Variants in USP37 observed in about 807,000 individuals in gnomAD.
USP37 encodes the protein ubiquitin specific peptidase 37, also known as ubiquitin carboxyl-terminal hydrolase 37.
A neutral mutation model predicts 124.0 loss-of-function variants in USP37; 27 were observed. The observed-to-expected ratio is 0.22, with a 90% CI of 0.16 to 0.30. The LOEUF is 0.30. USP37 is among the 10% of genes least tolerant of loss of function. The probability of loss-of-function intolerance (pLI) is 1.00; values close to 1 mark genes in which losing one functional copy is unlikely to be tolerated. For synonymous variants in USP37, 365 were observed against 388.0 expected (o/e 0.94, Z 0.70); for missense variants, 889 against 1,140.4 (o/e 0.78, Z 3.17).
intron 23 of USP37, 57 bp from the exon 24 acceptor site, chr2:218,457,218 C>G (rs1359589599): frequency 1.4e-6 from 2 of 1,478,344 alleles, no homozygotes; most frequent in Non-Finnish European, 1.9e-6. Context: ...AAGCAAAACA[C>G]TGAATATAAA....
At chr2:218,537,011 G>C (rs142529782) in intron 8 of USP37, among the ~76,000 whole-genome samples, 426 of 152,194 alleles carry the variant, frequency 2.8e-3, no homozygotes, top group African/African-American at 9.5e-3. Context: ...TCGTATTGGG[G>C]TAATGGAAAT....
Position 218,531,691 on chromosome 2 carries a change from T to C in USP37, c.779-1651A>G, listed in dbSNP as rs116775124. On this transcript the variant is annotated intron_variant, in intron 9 of 25. Coordinates refer to ENST00000258399, the MANE Select transcript of USP37 (RefSeq NM_020935.3). ...AAGAATTTATCATTCTAGATACCAT[T>C]AAGAACACTTGTAATTCATGAAAAG... is the stretch of plus-strand genomic sequence containing the variant. 5.0e-3 allele frequency among the ~76,000 whole-genome samples: 758 copies of C among 152,332 alleles called. 11 individuals carry two copies. Among genetic ancestry groups the C allele is most frequent in the African/African-American group, 0.017 (726 of 41,562 alleles).
chr2:218,467,315 A>ATATCTATCTAGC (rs1690394367), intron 20 of USP37, among the ~76,000 whole-genome samples: 1 of 141,640 alleles, frequency 7.1e-6, no homozygotes, highest in African/African-American at 2.8e-5. Flanking sequence ...CAGCTAATCT[A>ATATCTATCTAGC]TATCTATCTA....
rs770347395 is a variant in USP37, at chr2:218,476,988, T to G, written c.1902-7A>C. On this transcript the variant is annotated splice_polypyrimidine_tract_variant and splice_region_variant and intron_variant, in intron 18 of 25. Transcript: ENST00000258399. ...GGATTTGAAGGTGAATTTCCTGTAA[T>G]TTAAGGAAAAAAAAAAAAGCCTGAT... 1 of 1,482,934 alleles carries G rather than the reference T, an allele frequency of 6.7e-7. No individual in the cohort carries two copies. The highest frequency in any genetic ancestry group is 1.4e-5 in the South Asian group (1 of 70,458). The allele number at this position is 1,482,934 out of a possible 1,614,324, so 91.9% of individuals were successfully genotyped here. A position where few individuals can be genotyped will look rare whatever the true frequency, so the allele number is the denominator to read the frequency against.
intron 10 of USP37, among the ~76,000 whole-genome samples, chr2:218,511,072 CCTGATTACTA>C (rs2106003845): frequency 6.6e-6 from 1 of 152,188 alleles, no homozygotes; most frequent in South Asian, 2.1e-4. Flanking sequence ...TTTGCACTGT[CCTGATTACTA>C]CTGAAACTAA....
At position 218,495,829 on chromosome 2, in the gene USP37, G is replaced by A. The variant is rs368658456; in HGVS notation, c.1403C>T (p.Thr468Ile). 1.5e-5 allele frequency: 24 copies of A among 1,613,874 alleles called. No homozygotes were observed. Among genetic ancestry groups the A allele is most frequent in the Non-Finnish European group, 1.9e-5 (23 of 1,180,038 alleles). ...GEENSPDISA[T>I]RAYTCPVITN... is the part of the protein sequence containing the mutation. ...AATAACAGGGCAAGTGTATGCTCTG[G>A]TAGCTGAAATATCTGGTGAATTTTC... The change falls in exon 14 of 26, where the codon ACC becomes ATC. Residue 468 changes from threonine to isoleucine, a missense_variant. By Grantham distance (89) the Thr-to-Ile change is moderately conservative. Around this residue, in one of 3 missense-constraint regions of USP37, gnomAD observed 504 missense variants for 714.3 expected, o/e 0.71. Coordinates refer to ENST00000258399, the MANE Select transcript of USP37 (RefSeq NM_020935.3).
At chr2:218,544,100 C>T (rs1022122935) in intron 8 of USP37, among the ~76,000 whole-genome samples, 9 of 151,650 alleles carry the variant, frequency 5.9e-5, no homozygotes, top group African/African-American at 2.2e-4. Flanking sequence ...TTAAAACAGG[C>T]CAGGTGCAGT....
At chr2:218,480,038 C>T (rs1691168832) in intron 17 of USP37, among the ~76,000 whole-genome samples, 1 of 151,402 alleles carries the variant, frequency 6.6e-6, no homozygotes, top group African/African-American at 2.4e-5. Flanking sequence ...CCCAGCTACT[C>T]GGGAGGCTGA....
chr2:218,471,347 T>C (rs1559167952), intron 20 of USP37, among the ~76,000 whole-genome samples: 1 of 152,102 alleles, frequency 6.6e-6, no homozygotes. Flanking sequence ...GCAACCAAAA[T>C]AGGGTAGAAG....
At chr2:218,567,165 T>C (rs1213402316) in intron 1 of USP37, among the ~76,000 whole-genome samples, 1 of 152,218 alleles carries the variant, frequency 6.6e-6, no homozygotes, top group African/African-American at 2.4e-5. Context: ...ATACTCATTT[T>C]ACTTCATCAA....
At chr2:218,491,901 C>G (rs868186036) in intron 14 of USP37, among the ~76,000 whole-genome samples, 5 of 152,136 alleles carry the variant, frequency 3.3e-5, no homozygotes, top group Middle Eastern at 3.4e-3. Context: ...AGGGCACTAT[C>G]TAAATGAGAA....
At chr2:218,488,907 T>C (rs1691749207) in intron 14 of USP37, among the ~76,000 whole-genome samples, 2 of 152,048 alleles carry the variant, frequency 1.3e-5, no homozygotes, top group South Asian at 4.1e-4. Context: ...AGTACTGGGA[T>C]TACAGGCGTG....
At chr2:218,529,913 A>G in intron 10 of USP37, 43 bp downstream of exon 10, 2 of 1,480,260 alleles carry the variant, frequency 1.4e-6, no homozygotes, top group Non-Finnish European at 1.8e-6. Context: ...CTGAAAAAAA[A>G]AGAACTCCTA....
At position 218,498,175 on chromosome 2, in the gene USP37, A is replaced by G. The variant is rs1689172952; in HGVS notation, c.1026-18T>C. 1.9e-6 allele frequency: 3 copies of G among 1,575,126 alleles called. No individual in the cohort carries two copies. Among genetic ancestry groups the G allele is most frequent in the Non-Finnish European group, 2.6e-6 (3 of 1,168,194 alleles). ...TGGAGAAGCTGAAAATTAAAGAAAT[A>G]GTGCTTTAGAAGGCAACAGGAATTC... is the stretch of plus-strand genomic sequence containing the variant. On this transcript the variant is annotated intron_variant, in intron 11 of 25. Coordinates refer to ENST00000258399, the MANE Select transcript of USP37 (RefSeq NM_020935.3).
At chr2:218,526,785 CTTTTTTTTTT>C (rs71064454) in intron 10 of USP37, among the ~76,000 whole-genome samples, 9 of 75,936 alleles carry the variant, frequency 1.2e-4, no homozygotes, top group South Asian at 6.3e-4. Context: ...ATTTCATTTG[CTTTTTTTTTT>C]TTTTTTTTTT....
intron 20 of USP37, among the ~76,000 whole-genome samples, chr2:218,469,216 AT>A (rs775346485): frequency 3.6e-4 from 55 of 152,330 alleles, no homozygotes; most frequent in Non-Finnish European, 6.3e-4. Flanking sequence ...ACAAAAAACA[AT>A]TATCCTAGAG....
At chr2:218,551,935 G>C (rs1322539112) in intron 5 of USP37, among the ~76,000 whole-genome samples, 1 of 152,090 alleles carries the variant, frequency 6.6e-6, no homozygotes, top group Non-Finnish European at 1.5e-5. Flanking sequence ...TGGGACTACA[G>C]GCACTCGCCA....
At chr2:218,474,504 G>A in intron 20 of USP37, 126 bp downstream of exon 20, 1 of 1,378,332 alleles carries the variant, frequency 7.3e-7, no homozygotes, top group Non-Finnish European at 9.8e-7. Context: ...TGGGATTAGG[G>A]TCACACACCA....
intron 5 of USP37, among the ~76,000 whole-genome samples, chr2:218,552,049 C>T (rs547161064): frequency 2.0e-5 from 3 of 152,230 alleles, no homozygotes; most frequent in Admixed American, 6.5e-5. Context: ...ACCTCGGCCT[C>T]CCAAAGTGCT....
Sources: gnomAD v4.1 joint callset for allele counts (sites outside exome capture counted in the v4.1 genomes callset) on GRCh38, gnomAD v4.1.1 for gene constraint, gnomAD v4.1.1 regional missense constraint, MANE v1.5 for transcripts, NCBI Gene and HGNC (gene_info 2026-07-23, HGNC 2026-07-21) for gene names.